CCDC57: variants seen among roughly 807,000 people sequenced by gnomAD.
CCDC57 encodes coiled-coil domain-containing protein 57.
In CCDC57, 118 loss-of-function variants were observed where a neutral mutation model predicts 118.9. That is an observed-to-expected ratio of 0.99 (90% CI 0.86 to 1.16). The LOEUF is 1.16. Among genes scored for constraint, CCDC57 ranks in the 50% most tolerant of loss-of-function variants. The probability of loss-of-function intolerance (pLI) is 0.00; values close to 1 mark genes in which losing one functional copy is unlikely to be tolerated. For missense variants in CCDC57, 1,300 were observed against 1,320.7 expected (o/e 0.98, Z 0.24); for synonymous variants, 527 against 532.9 (o/e 0.99, Z 0.15).
exon 20 of CCDC57, chr17:82,101,802 T>G: frequency 6.2e-7 from 1 of 1,603,922 alleles, no homozygotes; most frequent in South Asian, 1.1e-5. Flanking sequence ...TCTTCATCCC[T>G]GGGGTGGCAA....
intron 18 of CCDC57, 65 bp from the exon 18 acceptor site, chr17:82,127,973 C>A: frequency 6.3e-7 from 1 of 1,575,930 alleles, no homozygotes; most frequent in Non-Finnish European, 8.6e-7. Context: ...CAGGACTCCC[C>A]CCAACCACTC....
chr17:82,113,407 G>T (rs1363921442), intron 19 of CCDC57: 2 of 717,670 alleles, frequency 2.8e-6, no homozygotes, highest in South Asian at 3.0e-5. Context: ...GCAGCAATGG[G>T]ACTAGAACGA....
exon 10 of CCDC57, chr17:82,179,111 C>A (rs768901744): frequency 1.9e-6 from 3 of 1,613,964 alleles, no homozygotes; most frequent in Non-Finnish European, 2.5e-6. Context: ...AGCGGCGCTG[C>A]CAGTCCAGGC....
intron 16 of CCDC57, among the ~76,000 whole-genome samples, chr17:82,139,256 T>C (rs563562727): frequency 6.6e-6 from 1 of 152,376 alleles, no homozygotes; most frequent in East Asian, 1.9e-4. Flanking sequence ...TCCTTCTCAG[T>C]TGCATTATTC....
chr17:82,196,593 G>C (rs556915993), intron 4 of CCDC57, among the ~76,000 whole-genome samples: 34 of 152,292 alleles, frequency 2.2e-4, no homozygotes, highest in Admixed American at 6.5e-4. Flanking sequence ...GACAGGACCA[G>C]AGAGGGGACC....
chr17:82,208,319 C>T (rs1047751711), intron 1 of CCDC57, among the ~76,000 whole-genome samples: 1 of 152,106 alleles, frequency 6.6e-6, no homozygotes, highest in African/African-American at 2.4e-5. Flanking sequence ...TGCAGTGGCG[C>T]GATCTTGGCT....
chr17:82,130,130 G>A (rs1442314634), intron 17 of CCDC57, among the ~76,000 whole-genome samples: 1 of 152,118 alleles, frequency 6.6e-6, no homozygotes, highest in Middle Eastern at 3.2e-3. Flanking sequence ...GAGCCTGGGA[G>A]GACCAGGCTG....
rs984019716 is a variant in CCDC57 at position 82,118,423 on chromosome 17, G to A, written c.2899+9269C>T. Among the ~76,000 whole-genome samples, 7 of 152,198 alleles carry A rather than the reference G, an allele frequency of 4.6e-5. No individual in the cohort carries two copies. The highest frequency in any genetic ancestry group is 1.9e-4 in the East Asian group (1 of 5,188). On this transcript the variant is annotated intron_variant, in intron 19 of 19. Transcript: ENST00000665763. The surrounding 1 kb of genome is among the most constrained non-coding windows in gnomAD (Gnocchi z 4.7). ...TTAGCGCAGGATGCCCCACGCATCCGGAGATGGGGTTTGGAACATCCTTTG... is the reference window on the plus strand; with the variant it reads ...TTAGCGCAGGATGCCCCACGCATCCAGAGATGGGGTTTGGAACATCCTTTG...
chr17:82,110,106 G>A lies in CCDC57; in HGVS notation c.2900-8240C>T, dbSNP rs901207587. On this transcript the variant is annotated intron_variant, in intron 19 of 19. Coordinates refer to ENST00000665763, the Ensembl canonical transcript of CCDC57. Reference sequence around the variant, plus strand: ...AGCAATTCTACTGCCTCAGCCTCCCGAGTAGCAGGGATTACAGGTGCCTGC... The same window carrying A: ...AGCAATTCTACTGCCTCAGCCTCCCAAGTAGCAGGGATTACAGGTGCCTGC... Among the ~76,000 whole-genome samples, 4 of 150,076 alleles carry A rather than the reference G, an allele frequency of 2.7e-5. No individual in the cohort carries two copies. The South Asian group carries it at 6.3e-4, about 24-fold the overall frequency.
At chr17:82,184,031 G>GCGCTCA in intron 8 of CCDC57, 99 bp from the exon 8 acceptor site, 1 of 128,352 alleles carries the variant, frequency 7.8e-6, no homozygotes, top group African/African-American at 4.4e-5. Context: ...GCGCGCGCGC[G>GCGCTCA]CACACACACA....
At position 82,148,872 on chromosome 17, in the gene CCDC57, T is replaced by C. The variant is rs193114195; in HGVS notation, c.2455+2688A>G. 1.1e-4 allele frequency among the ~76,000 whole-genome samples: 2 copies of C among 17,810 alleles called. 1 individual carries two copies. Among genetic ancestry groups the C allele is most frequent in the Non-Finnish European group, 1.9e-4 (2 of 10,280 alleles). The allele number at this position is 17,810 out of a possible 152,430, so 11.7% of individuals were successfully genotyped here. ...GTGGATGGACAGATGGATGGGTGGG[T>C]GGGATAAGTGGTTGGATGGTTGGAT... On this transcript the variant is annotated intron_variant, in intron 16 of 19. Transcript: ENST00000665763.
chr17:82,165,672 G>A (rs1201531977), intron 13 of CCDC57, among the ~76,000 whole-genome samples: 1 of 152,118 alleles, frequency 6.6e-6, no homozygotes, highest in Non-Finnish European at 1.5e-5. Flanking sequence ...GGAGGAAGGA[G>A]GTCTGCGTGA....
intron 19 of CCDC57, among the ~76,000 whole-genome samples, chr17:82,122,457 G>A (rs952831176): frequency 3.3e-5 from 5 of 152,144 alleles, no homozygotes; most frequent in Non-Finnish European, 7.4e-5. Context: ...GCAGGTGCTC[G>A]TGGTTGCTCT....
intron 19 of CCDC57, among the ~76,000 whole-genome samples, chr17:82,123,134 T>C (rs1205809517): frequency 6.8e-6 from 1 of 147,362 alleles, no homozygotes; most frequent in Non-Finnish European, 1.5e-5. Context: ...TTTTTTTTTT[T>C]TTTTTTTTTG....
chr17:82,175,220 C>A (rs550090106), intron 11 of CCDC57, among the ~76,000 whole-genome samples: 6 of 152,340 alleles, frequency 3.9e-5, no homozygotes, highest in African/African-American at 1.4e-4. Context: ...GAGGGGTAGA[C>A]CCTGGAAGGC....
rs112987800 is a variant in CCDC57 at position 82,212,544 on chromosome 17, G to A, written c.-211+241C>T. On this transcript the variant is annotated intron_variant, in intron 1 of 19. Coordinates refer to ENST00000665763, the Ensembl canonical transcript of CCDC57. This position sits in a 1 kb window ranked among gnomAD's most constrained non-coding sequence, Gnocchi z 4.1. ...CCACCGCCCCAGGTCACCCACGGGA[G>A]ACCGAGGGAACGCTCCCGCTCCACG... Among the ~76,000 whole-genome samples, 1 of 152,040 alleles carries A rather than the reference G, an allele frequency of 6.6e-6. No homozygotes were observed. Among genetic ancestry groups the A allele is most frequent in the Non-Finnish European group, 1.5e-5 (1 of 67,964 alleles).
intron 19 of CCDC57, among the ~76,000 whole-genome samples, chr17:82,106,882 C>A (rs1449494511): frequency 6.6e-6 from 1 of 152,310 alleles, no homozygotes; most frequent in East Asian, 1.9e-4. Flanking sequence ...GGGGCCTTCC[C>A]AGGTCTGCCA....
chr17:82,176,061 A>G (rs1018786069), intron 11 of CCDC57, among the ~76,000 whole-genome samples: 2 of 152,188 alleles, frequency 1.3e-5, no homozygotes, highest in Non-Finnish European at 2.9e-5. Context: ...CATAATGTAA[A>G]AGAGTCTTGG....
intron 13 of CCDC57, among the ~76,000 whole-genome samples, chr17:82,165,678 C>A (rs1287878462): frequency 6.6e-6 from 1 of 152,114 alleles, no homozygotes; most frequent in Non-Finnish European, 1.5e-5. Flanking sequence ...AGGAGGTCTG[C>A]GTGAAGACCC....
Sources: gnomAD v4.1 joint callset for allele counts (sites outside exome capture counted in the v4.1 genomes callset) on GRCh38, gnomAD v4.1.1 for gene constraint, Gnocchi (gnomAD v3.1) non-coding constraint, MANE v1.5 for transcripts, NCBI Gene and HGNC (gene_info 2026-07-23, HGNC 2026-07-21) for gene names.